LARGE1: variants seen among roughly 807,000 people sequenced by gnomAD.
LARGE1 encodes the protein xylosyl- and glucuronyltransferase LARGE1.
A neutral mutation model predicts 87.6 loss-of-function variants in LARGE1; 43 were observed. That is an observed-to-expected ratio of 0.49 (90% CI 0.38 to 0.63). The LOEUF (loss-of-function observed/expected upper bound fraction) is 0.63, where lower values mean the gene tolerates loss of function less well. Ranked by LOEUF, LARGE1 falls within the 30% of genes least tolerant of loss-of-function variation. The probability of loss-of-function intolerance (pLI) is 0.00; values close to 1 mark genes in which losing one functional copy is unlikely to be tolerated. For synonymous variants in LARGE1, 434 were observed against 394.6 expected, an observed-to-expected ratio of 1.10 and a Z score of -1.18; for missense variants, 802 against 1,000.2, an observed-to-expected ratio of 0.80 and a Z score of 2.67.
At chr22:33,299,384 C>T (rs1182122649) in intron 12 of LARGE1, among the ~76,000 whole-genome samples, 1 of 151,958 alleles carries the variant, frequency 6.6e-6, no homozygotes, top group African/African-American at 2.4e-5. Context: ...CTGAATGACC[C>T]CCAGGGACAG....
rs369715817 is a variant in LARGE1 at position 33,870,914 on chromosome 22, C to T, written c.-83+49081G>A. ...AAACTGAGGCATACAGAGATTAAAT[C>T]ATTTGCATAAGGGCACAAGGCTTGT... On this transcript the variant is annotated intron_variant, in intron 1 of 14. Transcript: ENST00000397394. 8.5e-5 allele frequency among the ~76,000 whole-genome samples: 13 copies of T among 152,120 alleles called. 1 individual carries two copies. The highest frequency in any genetic ancestry group is 2.9e-4 in the African/African-American group (12 of 41,416).
chr22:33,860,618 A>T (rs972404517), intron 1 of LARGE1, among the ~76,000 whole-genome samples: 6 of 152,110 alleles, frequency 3.9e-5, no homozygotes, highest in African/African-American at 1.4e-4. Flanking sequence ...CTGAGCTGTG[A>T]AGGTGGTGGT....
chr22:33,834,634 TTG>T (rs1568971625), intron 1 of LARGE1, among the ~76,000 whole-genome samples: 1 of 152,226 alleles, frequency 6.6e-6, no homozygotes, highest in Non-Finnish European at 1.5e-5. Flanking sequence ...AAAAGCTTTA[TTG>T]CTCACGCAAA....
chr22:33,353,868 A>G (rs1429715125), intron 9 of LARGE1, among the ~76,000 whole-genome samples: 1 of 152,258 alleles, frequency 6.6e-6, no homozygotes, highest in African/African-American at 2.4e-5. Context: ...TTGCTAAGCA[A>G]GCCTGCAACA....
chr22:33,918,948 C>T (rs1601917329), intron 1 of LARGE1, among the ~76,000 whole-genome samples: 1 of 149,518 alleles, frequency 6.7e-6, no homozygotes, highest in Non-Finnish European at 1.5e-5. Context: ...TGGGCACTTA[C>T]ATAAGACCCT....
At chr22:33,332,148 C>T (rs1223679244) in intron 10 of LARGE1, among the ~76,000 whole-genome samples, 1 of 152,120 alleles carries the variant, frequency 6.6e-6, no homozygotes, top group African/African-American at 2.4e-5. Flanking sequence ...TGTGTCCCCA[C>T]CCAAATCTCA....
chr22:33,206,311 C>T (rs930470129), intron 11 of LARGE1, among the ~76,000 whole-genome samples: 2 of 152,006 alleles, frequency 1.3e-5, no homozygotes, highest in Admixed American at 6.5e-5. Flanking sequence ...AGGCTGGTCT[C>T]GAACCCCTGA....
chr22:33,547,061 TTTCTC>T (rs889828926), intron 6 of LARGE1, among the ~76,000 whole-genome samples: 3 of 152,042 alleles, frequency 2.0e-5, no homozygotes, highest in African/African-American at 2.4e-5. Flanking sequence ...AGCATTTTTT[TTTCTC>T]TTCTAAGATG....
In LARGE1 at chr22:33,591,452, T is replaced by A. The variant is rs566001959; in HGVS notation, c.615+12983A>T. On this transcript the variant is annotated intron_variant, in intron 5 of 14. Coordinates refer to ENST00000397394, the MANE Select transcript of LARGE1 (RefSeq NM_133642.5). ...TCAGGGATTCATTGGCCACTCCATC[T>A]CTCCTTGGCTGACATGTCTCTTAAA... 1.8e-4 allele frequency among the ~76,000 whole-genome samples: 28 copies of A among 152,324 alleles called. No homozygotes were observed. In the South Asian group the frequency reaches 1.9e-3, roughly 10 times the overall value.
chr22:33,085,387 T>C, the LARGE1 span, among the ~76,000 whole-genome samples: 8 of 152,358 alleles, frequency 5.3e-5, no homozygotes, highest in Admixed American at 3.3e-4. Context: ...TCATTTAATT[T>C]TTAAATCTAT....
intron 1 of LARGE1, among the ~76,000 whole-genome samples, chr22:33,847,223 G>A (rs936433883): frequency 2.0e-5 from 3 of 152,164 alleles, no homozygotes; most frequent in Non-Finnish European, 2.9e-5. Flanking sequence ...CAGGTTCCCC[G>A]ATAAAGTTCC....
the LARGE1 span, among the ~76,000 whole-genome samples, chr22:33,134,517 A>G: frequency 2.0e-5 from 3 of 152,158 alleles, no homozygotes; most frequent in African/African-American, 7.2e-5. Context: ...TCGGCCTCCC[A>G]AAGTGCTGGG....
At chr22:33,794,334 CA>C (rs2146011620) in intron 1 of LARGE1, among the ~76,000 whole-genome samples, 1 of 152,326 alleles carries the variant, frequency 6.6e-6, no homozygotes, top group Non-Finnish European at 1.5e-5. Context: ...CAGACACCAC[CA>C]ATCCCAGGTG....
chr22:33,795,994 A>AT (rs1051715727), intron 1 of LARGE1, among the ~76,000 whole-genome samples: 1 of 118,384 alleles, frequency 8.4e-6, no homozygotes, highest in Non-Finnish European at 1.7e-5. Flanking sequence ...AACTTAAAGT[A>AT]TTAAAAAAAA....
intron 1 of LARGE1, among the ~76,000 whole-genome samples, chr22:33,810,869 G>A (rs1417675787): frequency 1.3e-5 from 2 of 152,020 alleles, no homozygotes; most frequent in Admixed American, 6.6e-5. Flanking sequence ...GACTACAGGT[G>A]TGCGCCACCG....
chr22:33,465,991 G>A (rs546800512), intron 6 of LARGE1, among the ~76,000 whole-genome samples: 4 of 152,112 alleles, frequency 2.6e-5, no homozygotes, highest in South Asian at 4.2e-4. Context: ...TTCCCTACTC[G>A]AAAAGTCTAG....
chr22:33,477,169 G>A (rs2069116360), intron 6 of LARGE1, among the ~76,000 whole-genome samples: 1 of 152,212 alleles, frequency 6.6e-6, no homozygotes, highest in South Asian at 2.1e-4. Flanking sequence ...CCTGGGGCGT[G>A]AGAGACCCTG....
intron 2 of LARGE1, among the ~76,000 whole-genome samples, chr22:33,679,561 G>A (rs975799524): frequency 6.6e-6 from 1 of 152,040 alleles, no homozygotes; most frequent in Non-Finnish European, 1.5e-5. Flanking sequence ...TTAGGAGAAA[G>A]GCCAGGTACG....
chr22:33,154,627 A>C, the LARGE1 span, among the ~76,000 whole-genome samples: 1 of 152,266 alleles, frequency 6.6e-6, no homozygotes, highest in Non-Finnish European at 1.5e-5. Context: ...TTTCACTTCT[A>C]TAATTCCTCA....
Sources: allele counts gnomAD v4.1 joint callset (sites outside exome capture counted in the v4.1 genomes callset), GRCh38; gene constraint gnomAD v4.1.1; transcripts MANE v1.5; gene names NCBI Gene and HGNC (gene_info 2026-07-23, HGNC 2026-07-21).